CELF2: variants seen among roughly 807,000 people sequenced by gnomAD.
The protein encoded by CELF2 is CUGBP Elav-like family member 2, also known as CUG triplet repeat RNA-binding protein 2.
A neutral mutation model predicts 62.6 loss-of-function variants in CELF2; 8 were observed. That is an observed-to-expected ratio of 0.13 (90% CI 0.07 to 0.23). CELF2 has a LOEUF of 0.23. CELF2 is among the 10% of genes least tolerant of loss of function. The pLI, the probability that CELF2 is intolerant of heterozygous loss-of-function variation, is 1.00. For missense variants in CELF2, 333 were observed against 671.0 expected (o/e 0.50, Z 5.56); for synonymous variants, 258 against 250.0 (o/e 1.03, Z -0.30).
the CELF2 span, among the ~76,000 whole-genome samples, chr10:10,480,410 G>A: frequency 7.5e-3 from 1,138 of 152,258 alleles, 9 homozygotes; most frequent in Admixed American, 0.017. Context: ...GCTACCCATA[G>A]CCCAAGCTCT....
At chr10:10,785,050 A>C in the CELF2 span, among the ~76,000 whole-genome samples, 1 of 152,270 alleles carries the variant, frequency 6.6e-6, no homozygotes, top group Admixed American at 6.5e-5. Context: ...GTCAAGTTCC[A>C]TTAAATTTGC....
the CELF2 span, among the ~76,000 whole-genome samples, chr10:10,653,534 A>G: frequency 1.5e-5 from 2 of 137,278 alleles, no homozygotes; most frequent in African/African-American, 5.5e-5. Flanking sequence ...ACCACAGTGC[A>G]ATCAAACTAG....
the CELF2 span, among the ~76,000 whole-genome samples, chr10:10,500,683 A>G: frequency 5.9e-5 from 9 of 152,116 alleles, no homozygotes; most frequent in Non-Finnish European, 1.3e-4. Context: ...GGACTAATAC[A>G]CTATAGTACA....
At position 11,192,234 on chromosome 10, in the gene CELF2, ACT is replaced by A. The variant is rs201000438; in HGVS notation, c.272-25189_272-25188del. ...AAATACTTCAAGAGGCGCAGAGGAA[ACT>A]CGGCCTCCCGAGTGAGCATCCCCTT... On this transcript the variant is annotated intron_variant, in intron 2 of 12. Coordinates refer to ENST00000633077, the MANE Select transcript of CELF2 (RefSeq NM_001326342.2). Among the ~76,000 whole-genome samples the A allele has an allele frequency of 4.9e-3, 748 of 152,212 alleles. 5 individuals are homozygous for A. The highest frequency in any genetic ancestry group is 0.014 in the Middle Eastern group (4 of 294).
intron 1 of CELF2, among the ~76,000 whole-genome samples, chr10:11,111,123 T>TAGACTGAGA (rs2055045727): frequency 6.6e-6 from 1 of 152,194 alleles, no homozygotes; most frequent in Admixed American, 6.5e-5. Context: ...GATGAGATAA[T>TAGACTGAGA]AATATGTGGC....
chr10:11,219,074 A>T (rs1565373242), intron 3 of CELF2, among the ~76,000 whole-genome samples: 1 of 152,234 alleles, frequency 6.6e-6, no homozygotes, highest in Non-Finnish European at 1.5e-5. Context: ...ATTACTTGAG[A>T]CAGTGAACTG....
In CELF2 at chr10:11,017,956, A is replaced by C; in HGVS notation, c.-134A>C. 1 of 986,438 alleles carries C rather than the reference A, an allele frequency of 1.0e-6. No individual in the cohort carries two copies. The highest frequency in any genetic ancestry group is 1.2e-6 in the Non-Finnish European group (1 of 832,142). 61.1% of individuals were successfully genotyped at this position (986,438 alleles called of 1,614,324 possible). A position where few individuals can be genotyped will look rare whatever the true frequency, so the allele number is the denominator to read the frequency against. On this transcript the variant is annotated 5_prime_UTR_variant, in exon 1 of 13. The change abolishes an upstream ATG in the 5' untranslated region. Coordinates refer to ENST00000633077, the MANE Select transcript of CELF2 (RefSeq NM_001326342.2). The surrounding 1 kb of genome is among the most constrained non-coding windows in gnomAD (Gnocchi z 5.5). ...GGGATTGGCGGAGCGCGAGGAGAGA[A>C]TGTGACAAGTGCCGGCTCGGCGGCC...
chr10:11,144,205 G>A (rs1197842440), intron 1 of CELF2, among the ~76,000 whole-genome samples: 2 of 152,104 alleles, frequency 1.3e-5, no homozygotes, highest in East Asian at 1.9e-4. Context: ...TCGCTAATGC[G>A]TGGCAAGGTC....
intron 8 of CELF2, among the ~76,000 whole-genome samples, chr10:11,283,118 A>G (rs1293152834): frequency 6.6e-6 from 1 of 152,192 alleles, no homozygotes; most frequent in Non-Finnish European, 1.5e-5. Context: ...TGAAAGCCTC[A>G]TGGGTCAGCA....
At chr10:10,818,283 C>A (rs2056657508) in intron 1 of CELF2, among the ~76,000 whole-genome samples, 1 of 152,186 alleles carries the variant, frequency 6.6e-6, no homozygotes, top group African/African-American at 2.4e-5. Context: ...CTGTGGCCAG[C>A]ATGAGTGTAT....
At chr10:10,700,415 A>G in the CELF2 span, among the ~76,000 whole-genome samples, 1 of 152,128 alleles carries the variant, frequency 6.6e-6, no homozygotes, top group African/African-American at 2.4e-5. Flanking sequence ...TGTTATATGG[A>G]TTGTTTTGAG....
At chr10:10,942,915 G>A (rs1489916933) in intron 2 of CELF2, among the ~76,000 whole-genome samples, 2 of 152,104 alleles carry the variant, frequency 1.3e-5, no homozygotes, top group Admixed American at 6.6e-5. Flanking sequence ...TGGATAATTG[G>A]CAACAGTCCC....
chr10:10,888,866 T>C (rs1230679351), intron 1 of CELF2, among the ~76,000 whole-genome samples: 1 of 152,202 alleles, frequency 6.6e-6, no homozygotes, highest in African/African-American at 2.4e-5. Flanking sequence ...GTTATTTAAA[T>C]ATAACATGGT....
intron 1 of CELF2, among the ~76,000 whole-genome samples, chr10:11,123,258 A>AT (rs199621293): frequency 1.5e-4 from 22 of 150,928 alleles, no homozygotes; most frequent in African/African-American, 4.1e-4. Flanking sequence ...TGATTTTTAA[A>AT]TTTTTTTTTA....
At chr10:10,861,545 C>T (rs1242782899) in intron 1 of CELF2, among the ~76,000 whole-genome samples, 1 of 152,172 alleles carries the variant, frequency 6.6e-6, no homozygotes, top group Non-Finnish European at 1.5e-5. Context: ...GATCCCTAGA[C>T]AATTTCTCAG....
intron 1 of CELF2, among the ~76,000 whole-genome samples, chr10:10,868,799 G>T (rs781024622): frequency 6.6e-6 from 1 of 152,124 alleles, no homozygotes; most frequent in Non-Finnish European, 1.5e-5. Context: ...TTTTTTCTAC[G>T]TATATTATAG....
At chr10:10,932,034 A>T (rs2066121648) in intron 2 of CELF2, among the ~76,000 whole-genome samples, 1 of 152,104 alleles carries the variant, frequency 6.6e-6, no homozygotes, top group African/African-American at 2.4e-5. Flanking sequence ...ACCTCCCACC[A>T]GGCCCCTCCC....
chr10:10,964,888 A>G (rs2049949026), intron 2 of CELF2, among the ~76,000 whole-genome samples: 1 of 152,162 alleles, frequency 6.6e-6, no homozygotes, highest in African/African-American at 2.4e-5. Context: ...CGAATTAGCT[A>G]TGAAGAGCTT....
Position 11,331,260 on chromosome 10 carries a change from T to TTTA in CELF2, c.*2208_*2210dup, listed in dbSNP as rs2096008556. 1 of 151,394 alleles carries TTTA rather than the reference T, an allele frequency of 6.6e-6. No homozygotes were observed. The highest frequency in any genetic ancestry group is 6.6e-5 in the Admixed American group (1 of 15,180). The allele number at this position is 151,394 out of a possible 1,614,324, so 9.4% of individuals were successfully genotyped here. A position where few individuals can be genotyped will look rare whatever the true frequency, so the allele number is the denominator to read the frequency against. On this transcript the variant is annotated 3_prime_UTR_variant, in exon 13 of 13. Transcript: ENST00000633077. Reference sequence around the variant, plus strand: ...TAATGTTCTTTGTTGATAAGACAAGTTTAGAATTGGTTTACTTAATACAAA... The same window carrying TTTA: ...TAATGTTCTTTGTTGATAAGACAAGTTTATTAGAATTGGTTTACTTAATACAAA...
Sources: gnomAD v4.1 joint callset for allele counts (sites outside exome capture counted in the v4.1 genomes callset) on GRCh38, gnomAD v4.1.1 for gene constraint, Gnocchi (gnomAD v3.1) non-coding constraint, MANE v1.5 for transcripts, NCBI Gene and HGNC (gene_info 2026-07-23, HGNC 2026-07-21) for gene names.